The following QKI variants were observed in gnomAD, a reference collection of about 807,000 sequenced individuals.
QKI encodes QKI, KH domain containing RNA binding, also known as KH domain-containing RNA-binding protein QKI.
A neutral mutation model predicts 39.0 loss-of-function variants in QKI; 10 were observed. That is an observed-to-expected ratio of 0.26 (90% CI 0.16 to 0.43). The LOEUF (loss-of-function observed/expected upper bound fraction) is 0.43. QKI is among the 20% of genes least tolerant of loss of function. The pLI is 1.00. For synonymous variants in QKI, 204 were observed against 155.4 expected (o/e 1.31, Z -2.33); for missense variants, 218 against 428.0 (o/e 0.51, Z 4.33).
chr6:163,522,047 T>TAA (rs1000196262), intron 3 of QKI, among the ~76,000 whole-genome samples: 9 of 152,224 alleles, frequency 5.9e-5, no homozygotes, highest in Non-Finnish European at 1.2e-4. Context: ...AGTTACATAG[T>TAA]AAAAGTGTTA....
chr6:163,520,020 T>C (rs1780053309), intron 3 of QKI, among the ~76,000 whole-genome samples: 1 of 152,180 alleles, frequency 6.6e-6, no homozygotes, highest in Admixed American at 6.5e-5. Flanking sequence ...AATACTTTCT[T>C]GTCACCAGTG....
chr6:163,529,312 A>T (rs1780703395), intron 3 of QKI, among the ~76,000 whole-genome samples: 1 of 152,200 alleles, frequency 6.6e-6, no homozygotes, highest in African/African-American at 2.4e-5. Context: ...ATTCATGCAC[A>T]GTTTGATATT....
intron 3 of QKI, among the ~76,000 whole-genome samples, chr6:163,522,046 G>C (rs1461453114): frequency 6.6e-6 from 1 of 152,178 alleles, no homozygotes; most frequent in South Asian, 2.1e-4. Context: ...GAGTTACATA[G>C]TAAAAGTGTT....
At chr6:163,546,661 GT>G (rs1310136945) in intron 4 of QKI, among the ~76,000 whole-genome samples, 1 of 151,904 alleles carries the variant, frequency 6.6e-6, no homozygotes, top group East Asian at 1.9e-4. Context: ...AATTAAGATA[GT>G]AACCATTGTG....
chr6:163,567,320 TA>T (rs1347586115), intron 7 of QKI: 19 of 985,766 alleles, frequency 1.9e-5, no homozygotes, highest in Non-Finnish European at 2.2e-5. Context: ...AGTACTTAGC[TA>T]AAATCAACAA....
At chr6:163,563,799 C>T in intron 6 of QKI, 80 bp downstream of exon 6, 4 of 1,532,594 alleles carry the variant, frequency 2.6e-6, no homozygotes, top group African/African-American at 2.8e-5. Flanking sequence ...ATGATTTTAT[C>T]AGTTTTAGAG....
At chr6:163,505,509 A>C (rs1031082112) in intron 3 of QKI, among the ~76,000 whole-genome samples, 1 of 152,134 alleles carries the variant, frequency 6.6e-6, no homozygotes, top group African/African-American at 2.4e-5. Flanking sequence ...CCTTGCAACA[A>C]CGTGTCCTGG....
At chr6:163,538,554 A>G (rs1169262372) in intron 4 of QKI, among the ~76,000 whole-genome samples, 1 of 152,164 alleles carries the variant, frequency 6.6e-6, no homozygotes, top group Admixed American at 6.5e-5. Context: ...GCCTGTAGGC[A>G]TGGGAAGGAG....
intron 7 of QKI, chr6:163,567,485 C>A (rs1004582683): frequency 1.0e-6 from 1 of 984,560 alleles, no homozygotes; most frequent in Non-Finnish European, 1.2e-6. Flanking sequence ...TAAACTGTCT[C>A]TTGAAGTTCT....
At chr6:163,562,128 T>C (rs111516295) in intron 5 of QKI, 59 bp downstream of exon 5, 21 of 1,314,152 alleles carry the variant, frequency 1.6e-5, no homozygotes, top group Non-Finnish European at 2.0e-5. Flanking sequence ...GTCTACAGAC[T>C]TTTTTCCTTT....
chr6:163,497,838 A>G (rs1320149905), intron 3 of QKI, among the ~76,000 whole-genome samples: 1 of 151,910 alleles, frequency 6.6e-6, no homozygotes, highest in African/African-American at 2.4e-5. Context: ...TCTGGTTGAG[A>G]TGAAAACTTA....
intron 3 of QKI, among the ~76,000 whole-genome samples, chr6:163,513,367 G>GA (rs1475393472): frequency 6.6e-6 from 1 of 152,020 alleles, no homozygotes; most frequent in Non-Finnish European, 1.5e-5. Context: ...TCACCAACTT[G>GA]GTGATACATA....
intron 1 of QKI, among the ~76,000 whole-genome samples, chr6:163,442,314 TTTTTAG>T (rs1222087757): frequency 1.3e-5 from 2 of 152,202 alleles, no homozygotes; most frequent in East Asian, 1.9e-4. Context: ...AATTTAAACA[TTTTTAG>T]TTTTAATTTC....
chr6:163,513,145 CGTAGT>C (rs941481434), intron 3 of QKI, among the ~76,000 whole-genome samples: 5 of 152,040 alleles, frequency 3.3e-5, no homozygotes, highest in African/African-American at 7.2e-5. Context: ...TAGGAAAAAA[CGTAGT>C]GTATATAGTG....
intron 4 of QKI, among the ~76,000 whole-genome samples, chr6:163,535,426 C>T (rs1391542027): frequency 6.6e-6 from 1 of 152,028 alleles, no homozygotes; most frequent in African/African-American, 2.4e-5. Context: ...TCTCTTCCCC[C>T]ATCTCTTCCC....
At chr6:163,508,780 C>T (rs540158987) in intron 3 of QKI, among the ~76,000 whole-genome samples, 5 of 151,870 alleles carry the variant, frequency 3.3e-5, no homozygotes, top group East Asian at 2.0e-4. Context: ...ACACCCACGT[C>T]GGCCTCCCAG....
At chr6:163,472,471 C>G (rs1792278981) in intron 2 of QKI, among the ~76,000 whole-genome samples, 2 of 152,062 alleles carry the variant, frequency 1.3e-5, no homozygotes, top group Non-Finnish European at 2.9e-5. Flanking sequence ...TAAGTAGACC[C>G]ACATAGTTCA....
At chr6:163,518,065 G>A (rs1307883438) in intron 3 of QKI, among the ~76,000 whole-genome samples, 1 of 152,112 alleles carries the variant, frequency 6.6e-6, no homozygotes, top group Non-Finnish European at 1.5e-5. Flanking sequence ...TTATTGTGAA[G>A]GAAAGTGGTA....
Position 163,454,366 on chromosome 6 carries a change from T to C in QKI, c.143-913T>C, listed in dbSNP as rs73784404. The stretch of plus-strand genomic sequence containing the variant: ...AATACAGGTCTTTAAAAACAGGTCA[T>C]TGATTTTAGGTATTGCTACTTCCTT... On this transcript the variant is annotated intron_variant, in intron 1 of 7. Coordinates refer to ENST00000361752, the MANE Select transcript of QKI (RefSeq NM_006775.3). Among the ~76,000 whole-genome samples, 495 of 152,300 alleles carry C rather than the reference T, an allele frequency of 3.3e-3. 4 individuals carry two copies. The highest frequency in any genetic ancestry group is 0.011 in the African/African-American group (465 of 41,576).
Sources: gnomAD v4.1 joint callset for allele counts (sites outside exome capture counted in the v4.1 genomes callset) on GRCh38, gnomAD v4.1.1 for gene constraint, MANE v1.5 for transcripts, NCBI Gene and HGNC (gene_info 2026-07-23, HGNC 2026-07-21) for gene names.